PRKCB: variants seen among roughly 807,000 people sequenced by gnomAD.
PRKCB encodes protein kinase C beta.
Under a neutral mutation model 81.5 loss-of-function variants are expected in PRKCB, and 13 were observed. The ratio of observed to expected loss-of-function variants is 0.16; its 90% CI spans 0.10 to 0.25. The LOEUF (loss-of-function observed/expected upper bound fraction) is 0.25, where lower values mean the gene tolerates loss of function less well. PRKCB is among the 10% of genes least tolerant of loss of function. The pLI is 1.00. For missense variants in PRKCB, 509 were observed against 875.7 expected (o/e 0.58, Z 5.29); for synonymous variants, 335 against 321.4 (o/e 1.04, Z -0.45).
chr16:24,202,653 G>A (rs1264619819), intron 16 of PRKCB, among the ~76,000 whole-genome samples: 2 of 152,132 alleles, frequency 1.3e-5, no homozygotes, highest in East Asian at 3.9e-4. Context: ...GATGTGTTCA[G>A]GCCCAGAAAT....
chr16:24,198,370 G>C (rs1386790043), intron 16 of PRKCB, among the ~76,000 whole-genome samples: 1 of 152,216 alleles, frequency 6.6e-6, no homozygotes, highest in African/African-American at 2.4e-5. Context: ...TGTGAAAACT[G>C]GGTAGGGGGA....
intron 2 of PRKCB, among the ~76,000 whole-genome samples, chr16:23,865,906 T>C (rs1962780788): frequency 6.6e-6 from 1 of 152,038 alleles, no homozygotes; most frequent in African/African-American, 2.4e-5. Flanking sequence ...TCTTTGTGTT[T>C]CCACTCTCCA....
chr16:24,205,020 T>C (rs1023122101), intron 16 of PRKCB, among the ~76,000 whole-genome samples: 1 of 151,480 alleles, frequency 6.6e-6, no homozygotes. Context: ...CTTGGGAGGC[T>C]GAGGCAGGAG....
At chr16:24,201,651 T>C (rs1250081399) in intron 16 of PRKCB, among the ~76,000 whole-genome samples, 1 of 152,160 alleles carries the variant, frequency 6.6e-6, no homozygotes, top group Non-Finnish European at 1.5e-5. Context: ...GAGCTGGATC[T>C]AATCCAGACA....
chr16:23,841,949 C>T (rs1017129142), intron 2 of PRKCB, among the ~76,000 whole-genome samples: 14 of 152,048 alleles, frequency 9.2e-5, no homozygotes, highest in African/African-American at 3.1e-4. Flanking sequence ...AGCCACTGAA[C>T]CTGGCCAAAT....
intron 16 of PRKCB, among the ~76,000 whole-genome samples, chr16:24,203,948 G>A (rs1211975884): frequency 2.6e-5 from 4 of 152,040 alleles, no homozygotes; most frequent in Non-Finnish European, 5.9e-5. Flanking sequence ...CAGGCTAAGT[G>A]GGAAGGTTTC....
At chr16:24,094,398 A>C in intron 7 of PRKCB, 101 bp downstream of exon 7, 2 of 1,433,568 alleles carry the variant, frequency 1.4e-6, no homozygotes, top group Non-Finnish European at 1.9e-6. Flanking sequence ...ATACTAAAAC[A>C]GAGTCCCAAA....
intron 6 of PRKCB, among the ~76,000 whole-genome samples, chr16:24,093,706 G>T (rs1966404961): frequency 6.6e-6 from 1 of 152,170 alleles, no homozygotes; most frequent in South Asian, 2.1e-4. Context: ...TCAGGGCAAA[G>T]CTGGGCCCCT....
chr16:24,156,325 A>G (rs1967155954), intron 10 of PRKCB, among the ~76,000 whole-genome samples: 1 of 151,934 alleles, frequency 6.6e-6, no homozygotes, highest in Non-Finnish European at 1.5e-5. Flanking sequence ...CCCCAGCTAG[A>G]GTGCAGTGGC....
chr16:24,063,412 A>G (rs1965996953), intron 5 of PRKCB, among the ~76,000 whole-genome samples: 1 of 151,516 alleles, frequency 6.6e-6, no homozygotes, highest in Non-Finnish European at 1.5e-5. Context: ...CTCCTGCCTC[A>G]GCCTCTCAAG....
At chr16:24,194,629 T>C (rs1005377753) in intron 16 of PRKCB, among the ~76,000 whole-genome samples, 3 of 152,238 alleles carry the variant, frequency 2.0e-5, no homozygotes, top group Admixed American at 2.0e-4. Flanking sequence ...TCTAGCCTCG[T>C]GCCTGGCTCA....
Position 24,216,858 on chromosome 16 carries a change from G to T in PRKCB, c.*2042G>T. 2 of 985,456 alleles carry T rather than the reference G, an allele frequency of 2.0e-6. No homozygotes were observed. Among genetic ancestry groups the T allele is most frequent in the African/African-American group, 3.5e-5 (2 of 57,348 alleles). 61.0% of individuals were successfully genotyped at this position (985,456 alleles called of 1,614,324 possible). On this transcript the variant is annotated 3_prime_UTR_variant, in exon 17 of 17. Coordinates refer to ENST00000643927, the MANE Select transcript of PRKCB (RefSeq NM_002738.7). ...AATTTGCCCAAAGTCAGTCAGCTGG[G>T]ATAAAAACCTGGGTGTCCTGTCCAG...
chr16:24,132,233 A>G (rs1271130187), intron 9 of PRKCB, among the ~76,000 whole-genome samples: 1 of 152,162 alleles, frequency 6.6e-6, no homozygotes, highest in East Asian at 1.9e-4. Flanking sequence ...TGTAACTCAT[A>G]TCTCTCCAGA....
At chr16:24,109,500 C>CA (rs1490885433) in intron 7 of PRKCB, among the ~76,000 whole-genome samples, 2 of 119,126 alleles carry the variant, frequency 1.7e-5, no homozygotes, top group Non-Finnish European at 3.4e-5. Context: ...CCCCACATCT[C>CA]AGACGATGGG....
In PRKCB at chr16:24,147,963, G is replaced by A. The variant is rs373796400; in HGVS notation, c.1066-6721G>A. Reference sequence around the variant, plus strand: ...TCCTTGGCACAAACACTAGGCCTTTGAGTATCACAAATTCTTTGTCCAGCC... The same window carrying A: ...TCCTTGGCACAAACACTAGGCCTTTAAGTATCACAAATTCTTTGTCCAGCC... On this transcript the variant is annotated intron_variant, in intron 9 of 16. Coordinates refer to ENST00000643927, the MANE Select transcript of PRKCB (RefSeq NM_002738.7). Among the ~76,000 whole-genome samples the A allele has an allele frequency of 7.9e-5, 12 of 152,172 alleles. No individual in the cohort carries two copies. In the East Asian group the frequency reaches 2.3e-3, roughly 29 times the overall value.
At chr16:24,083,087 A>G (rs930006378) in intron 5 of PRKCB, among the ~76,000 whole-genome samples, 6 of 152,226 alleles carry the variant, frequency 3.9e-5, no homozygotes, top group African/African-American at 4.8e-5. Flanking sequence ...AAGATATTCA[A>G]TATCACTAGA....
chr16:24,052,330 C>A (rs1965853033), intron 5 of PRKCB, among the ~76,000 whole-genome samples: 1 of 152,158 alleles, frequency 6.6e-6, no homozygotes. Flanking sequence ...TGTGTTCACA[C>A]TCCGGTTACC....
At chr16:24,180,994 G>T in intron 13 of PRKCB, 66 bp downstream of exon 13, 1 of 1,583,366 alleles carries the variant, frequency 6.3e-7, no homozygotes, top group Non-Finnish European at 8.6e-7. Flanking sequence ...ATGGCTGTGT[G>T]AGAGCTGGGA....
At chr16:23,851,784 A>G (rs778805650) in intron 2 of PRKCB, among the ~76,000 whole-genome samples, 1 of 152,122 alleles carries the variant, frequency 6.6e-6, no homozygotes, top group Non-Finnish European at 1.5e-5. Flanking sequence ...AGTTTTCAGT[A>G]TACAGATAGT....
Sources: gnomAD v4.1 joint callset for allele counts (sites outside exome capture counted in the v4.1 genomes callset) on GRCh38, gnomAD v4.1.1 for gene constraint, MANE v1.5 for transcripts, NCBI Gene and HGNC (gene_info 2026-07-23, HGNC 2026-07-21) for gene names.